Variants in FAM186B observed in about 807,000 individuals in gnomAD.
FAM186B encodes the protein family with sequence similarity 186 member B.
FAM186B carries 68 observed loss-of-function variants against 83.4 expected under a neutral mutation model. The observed-to-expected ratio is 0.81, with a 90% CI of 0.67 to 1.00. FAM186B has a LOEUF of 1.00. FAM186B is among the 50% of genes least tolerant of loss of function. The pLI, the probability that FAM186B is intolerant of heterozygous loss-of-function variation, is 0.00. For missense variants in FAM186B, 983 were observed against 1,099.2 expected, an observed-to-expected ratio of 0.89 and a Z score of 1.49; for synonymous variants, 389 against 422.0, an observed-to-expected ratio of 0.92 and a Z score of 0.96.
rs771389627 is a variant in FAM186B at position 49,599,765 on chromosome 12, A to G, written c.1875T>C (p.Val625=). The change falls in exon 4 of 7, where the codon GTT becomes GTC. Residue 625 remains valine, a synonymous_variant. Coordinates refer to ENST00000257894, the MANE Select transcript of FAM186B (RefSeq NM_032130.3). The stretch of plus-strand genomic sequence containing the variant: ...AGGCAGATTTCTTGGGCTTTGTGGG[A>G]ACTCGGCGGGTCCGTGGTCTGTAGG... ...EFTYRPRTRR[V]PTKPKKSASF... is the part of the protein sequence containing the mutation. The G allele has an allele frequency of 1.2e-6, 2 of 1,614,072 alleles. No individual in the cohort carries two copies. The highest frequency in any genetic ancestry group is 1.7e-4 in the Middle Eastern group (1 of 6,060).
intron 3 of FAM186B, among the ~76,000 whole-genome samples, chr12:49,602,928 T>C (rs1219018118): frequency 6.6e-6 from 1 of 152,180 alleles, no homozygotes; most frequent in African/African-American, 2.4e-5. Flanking sequence ...AGAACCTACG[T>C]GAGGCCACAG....
chr12:49,599,294 GC>G (rs796837550), intron 4 of FAM186B, among the ~76,000 whole-genome samples, 174 bp downstream of exon 4: 2 of 152,290 alleles, frequency 1.3e-5, no homozygotes, highest in African/African-American at 4.8e-5. Flanking sequence ...TTCAAGGGTT[GC>G]CCAAGGCCCC....
downstream of FAM186B, chr12:49,582,989 A>G (rs1217066753): frequency 2.2e-6 from 1 of 452,216 alleles, no homozygotes; most frequent in African/African-American, 2.0e-5. Flanking sequence ...AAAGCAGGAG[A>G]AGAATGTCAG....
At chr12:49,595,686 G>C in intron 5 of FAM186B, 1 of 380,164 alleles carries the variant, frequency 2.6e-6, no homozygotes. Flanking sequence ...AGTTCTTAAA[G>C]ACTAGAGCAG....
At chr12:49,619,636 T>C in the FAM186B span, 1 of 590,044 alleles carries the variant, frequency 1.7e-6, no homozygotes, top group Non-Finnish European at 3.1e-6. Flanking sequence ...ATCTTGGTTT[T>C]GTTGGAGGAG....
Position 49,599,737 on chromosome 12 carries a change from A to C in FAM186B, c.1903T>G (p.Phe635Val), listed in dbSNP as rs1939823847. Reference sequence around the variant, plus strand: ...CGGATGGATGTCCCAGTGACAGGAAAGGAGGCAGATTTCTTGGGCTTTGTG... The same window carrying C: ...CGGATGGATGTCCCAGTGACAGGAACGGAGGCAGATTTCTTGGGCTTTGTG... ...VPTKPKKSAS[F>V]PVTGTSIRRL... Residue 635 changes from phenylalanine (F) to valine (V), a missense_variant, in exon 4 of 7, where the codon TTT (phenylalanine) becomes GTT (valine). Phe to Val is a conservative substitution (Grantham distance 50). Transcript: ENST00000257894. 5 of 1,613,968 alleles carry C rather than the reference A, an allele frequency of 3.1e-6. No individual in the cohort carries two copies.
chr12:49,618,903 C>T, the FAM186B span, among the ~76,000 whole-genome samples: 5 of 152,242 alleles, frequency 3.3e-5, no homozygotes, highest in African/African-American at 1.2e-4. Flanking sequence ...ACTGAGTGCC[C>T]AGCACAATGG....
intron 3 of FAM186B, 129 bp downstream of exon 3, chr12:49,603,056 A>G (rs1939929291): frequency 3.1e-6 from 3 of 980,630 alleles, no homozygotes; most frequent in Non-Finnish European, 4.7e-6. Flanking sequence ...ACCACTGCCC[A>G]TCCATCTCAA....
At chr12:49,619,667 C>CT in the FAM186B span, 4,893 of 145,572 alleles carry the variant, frequency 0.034, 129 homozygotes, top group South Asian at 0.057. Context: ...TTAGACATCT[C>CT]TTTTTTTTTT....
downstream of FAM186B, chr12:49,587,398 A>G: frequency 1.6e-6 from 1 of 629,884 alleles, no homozygotes; most frequent in Non-Finnish European, 2.8e-6. Context: ...GAAACCCTTC[A>G]CCAGAACCGA....
chr12:49,605,117 G>A (rs1939982440), intron 1 of FAM186B: 5 of 1,237,818 alleles, frequency 4.0e-6, no homozygotes, highest in South Asian at 1.6e-5. Flanking sequence ...ACACCACCAC[G>A]ATGTGCCTCA....
chr12:49,612,535 G>GA, the FAM186B span, among the ~76,000 whole-genome samples: 2 of 137,142 alleles, frequency 1.5e-5, no homozygotes. Flanking sequence ...TTTTATGTGT[G>GA]TTTTTTTTTT....
In FAM186B at chr12:49,598,884, G is replaced by A. The variant is rs775949478; in HGVS notation, c.2235C>T (p.Asn745=). Residue 745 remains asparagine, a synonymous_variant, in exon 5 of 7, where the codon AAC becomes AAT. Transcript: ENST00000257894. ...CAATGTTTTCCAGGAAGATGTAGAG[G>A]TTCTGGGCCTTGTAGGAAGCCTCCG... is the stretch of plus-strand genomic sequence containing the variant. The part of the protein sequence containing the change: ...KETEASYKAQ[N]LYIFLENIDR... 1 of 1,613,526 alleles carries A rather than the reference G, an allele frequency of 6.2e-7. No individual in the cohort carries two copies. The highest frequency in any genetic ancestry group is 8.5e-7 in the Non-Finnish European group (1 of 1,179,930).
At chr12:49,598,511 T>G (rs1265879650) in intron 5 of FAM186B, among the ~76,000 whole-genome samples, 1 of 151,852 alleles carries the variant, frequency 6.6e-6, no homozygotes, top group Non-Finnish European at 1.5e-5. Context: ...TGAAGAGACA[T>G]CTCTCTCTCT....
chr12:49,593,879 C>T (rs982598474), intron 5 of FAM186B, among the ~76,000 whole-genome samples: 4 of 152,090 alleles, frequency 2.6e-5, no homozygotes, highest in Admixed American at 2.0e-4. Flanking sequence ...CACCTAATTA[C>T]AGAGCTTCAG....
At chr12:49,585,602 G>C (rs540074308), downstream of FAM186B, among the ~76,000 whole-genome samples, 2 of 152,184 alleles carry the variant, frequency 1.3e-5, no homozygotes, top group African/African-American at 4.8e-5. Context: ...CCGAGAGGAC[G>C]CCCCAGTGGG....
downstream of FAM186B, chr12:49,587,499 T>C (rs1939471170): frequency 3.4e-6 from 5 of 1,477,452 alleles, no homozygotes; most frequent in Non-Finnish European, 4.7e-6. Context: ...GCAAATGAGG[T>C]CATTGTTAAA....
At chr12:49,602,127 ACTTAG>A (rs958173420) in intron 3 of FAM186B, among the ~76,000 whole-genome samples, 47 of 152,204 alleles carry the variant, frequency 3.1e-4, no homozygotes, top group African/African-American at 1.1e-3. Context: ...ATGTCATAGG[ACTTAG>A]ATTATGCATG....
chr12:49,595,334 T>C (rs932555281), intron 5 of FAM186B: 16 of 590,886 alleles, frequency 2.7e-5, no homozygotes, highest in Middle Eastern at 3.0e-4. Flanking sequence ...ATAGTAGTTC[T>C]ACCAGGAGGT....
Sources: gnomAD v4.1 joint callset for allele counts (sites outside exome capture counted in the v4.1 genomes callset) on GRCh38, gnomAD v4.1.1 for gene constraint, MANE v1.5 for transcripts, NCBI Gene and HGNC (gene_info 2026-07-23, HGNC 2026-07-21) for gene names.